Variants in PCBD2 observed in about 807,000 individuals in gnomAD.
The protein encoded by PCBD2 is pterin-4 alpha-carbinolamine dehydratase 2.
A neutral mutation model predicts 16.4 loss-of-function variants in PCBD2; 12 were observed. The ratio of observed to expected loss-of-function variants is 0.73; its 90% CI spans 0.47 to 1.19. The LOEUF is 1.19. PCBD2 is among the 50% of genes most tolerant of loss of function. The pLI, the probability that PCBD2 is intolerant of heterozygous loss-of-function variation, is 0.00. For missense variants in PCBD2, 138 were observed against 156.8 expected (o/e 0.88, Z 0.64); for synonymous variants, 58 against 61.8 (o/e 0.94, Z 0.29).
intron 2 of PCBD2, among the ~76,000 whole-genome samples, chr5:134,933,871 A>C (rs1424407427): frequency 6.6e-6 from 1 of 152,250 alleles, no homozygotes; most frequent in Non-Finnish European, 1.5e-5. Flanking sequence ...GTTACTTGAG[A>C]CAGCCAGAAG....
chr5:134,957,614 G>C (rs764230363), intron 2 of PCBD2, among the ~76,000 whole-genome samples: 29 of 152,006 alleles, frequency 1.9e-4, no homozygotes, highest in Non-Finnish European at 3.8e-4. Flanking sequence ...AGGAGGTTGA[G>C]GCTACAGTGA....
chr5:134,936,384 C>T (rs2149536442), intron 2 of PCBD2, among the ~76,000 whole-genome samples: 1 of 152,308 alleles, frequency 6.6e-6, no homozygotes, highest in Admixed American at 6.5e-5. Context: ...CCTTTCTGTC[C>T]TCCTCAGTCG....
chr5:134,950,033 T>C (rs779657811), intron 2 of PCBD2, among the ~76,000 whole-genome samples: 41 of 152,238 alleles, frequency 2.7e-4, no homozygotes, highest in Non-Finnish European at 4.6e-4. Context: ...TTTCAAGACG[T>C]GAAGAAATGC....
rs1323477258 is a variant in PCBD2 at position 134,960,654 on chromosome 5, T to C, written c.366T>C (p.Phe122=). The part of the protein sequence containing the change: ...LTKKDVKLAK[F]IEKAAASV ...AAAAAGATGTGAAGCTGGCCAAGTT[T>C]ATTGAAAAAGCAGCTGCTTCTGTGT... is the stretch of plus-strand genomic sequence containing the variant. Residue 122 remains phenylalanine, a synonymous_variant, in exon 4 of 4, where the codon TTT becomes TTC. Coordinates refer to ENST00000254908, the MANE Select transcript of PCBD2 (RefSeq NM_032151.5). The C allele has an allele frequency of 1.9e-6, 3 of 1,612,914 alleles. No individual in the cohort carries two copies. The highest frequency in any genetic ancestry group is 3.3e-5 in the Admixed American group (2 of 60,012).
At chr5:134,940,792 T>A (rs995516428) in intron 2 of PCBD2, among the ~76,000 whole-genome samples, 1 of 152,098 alleles carries the variant, frequency 6.6e-6, no homozygotes, top group African/African-American at 2.4e-5. Flanking sequence ...TTGAGTGTCA[T>A]GTCCACAGAC....
intron 2 of PCBD2, among the ~76,000 whole-genome samples, chr5:134,912,449 T>A (rs1750780826): frequency 6.6e-6 from 1 of 152,174 alleles, no homozygotes; most frequent in Non-Finnish European, 1.5e-5. Context: ...CACCGTGGGG[T>A]GAGCCCATAT....
chr5:134,906,579 C>A (rs1750693764), intron 1 of PCBD2, among the ~76,000 whole-genome samples: 1 of 152,108 alleles, frequency 6.6e-6, no homozygotes, highest in Non-Finnish European at 1.5e-5. Context: ...GTCACCTAGG[C>A]GTGTCTTCAG....
At chr5:134,947,775 G>A (rs894774445) in intron 2 of PCBD2, among the ~76,000 whole-genome samples, 1 of 147,930 alleles carries the variant, frequency 6.8e-6, no homozygotes, top group Admixed American at 6.8e-5. Context: ...CTATGAAGTC[G>A]TTTTTTTTTT....
At chr5:134,928,198 T>A (rs878936116) in intron 2 of PCBD2, 4 of 388,608 alleles carry the variant, frequency 1.0e-5, no homozygotes, top group Non-Finnish European at 1.8e-5. Flanking sequence ...TGAGAGTGGC[T>A]ATAATGAATA....
Position 134,927,088 on chromosome 5 carries a change from C to T in PCBD2, c.216+16622C>T, listed in dbSNP as rs4998960. 27 of 397,800 alleles carry T rather than the reference C, an allele frequency of 6.8e-5. 7 individuals are homozygous for T. Among genetic ancestry groups the T allele is most frequent in the Admixed American group, 1.3e-4 (3 of 22,588 alleles). 24.6% of individuals were successfully genotyped at this position (397,800 alleles called of 1,614,324 possible). A position where few individuals can be genotyped will look rare whatever the true frequency, so the allele number is the denominator to read the frequency against. On this transcript the variant is annotated intron_variant, in intron 2 of 3. Transcript: ENST00000254908. ...AATGAGGATGTAAGTCCGTGGGCGA[C>T]TATGAGAATGACTGCGCCGGTGAAG...
intron 1 of PCBD2, chr5:134,905,621 C>T (rs1750677483): frequency 5.6e-6 from 1 of 179,072 alleles, no homozygotes. Flanking sequence ...GCTCCCTGCT[C>T]GCGCTTCACT....
At chr5:134,952,998 C>T (rs748980312) in intron 2 of PCBD2, among the ~76,000 whole-genome samples, 3 of 151,586 alleles carry the variant, frequency 2.0e-5, no homozygotes, top group Non-Finnish European at 2.9e-5. Flanking sequence ...AATGTTTTGC[C>T]CTAAATTAGC....
intron 2 of PCBD2, among the ~76,000 whole-genome samples, chr5:134,916,544 C>T (rs182345368): frequency 8.5e-4 from 130 of 152,182 alleles, no homozygotes; most frequent in African/African-American, 3.0e-3. Context: ...TTTCAGTGAC[C>T]GTGGATGAAA....
intron 1 of PCBD2, among the ~76,000 whole-genome samples, chr5:134,907,736 C>T (rs1750714135): frequency 6.7e-6 from 1 of 149,932 alleles, no homozygotes; most frequent in Non-Finnish European, 1.5e-5. Context: ...GATTCTCCTT[C>T]CTCAGCCTCC....
chr5:134,934,803 G>A (rs184675795), intron 2 of PCBD2, among the ~76,000 whole-genome samples: 210 of 152,106 alleles, frequency 1.4e-3, no homozygotes, highest in African/African-American at 4.7e-3. Context: ...AGCCAGATGC[G>A]GCTCATATAT....
intron 2 of PCBD2, among the ~76,000 whole-genome samples, chr5:134,914,018 G>A (rs184513612): frequency 5.9e-5 from 9 of 152,244 alleles, no homozygotes; most frequent in Middle Eastern, 3.4e-3. Context: ...TCCAAATGGA[G>A]TTATTGGGTT....
chr5:134,950,819 T>A (rs969852485), intron 2 of PCBD2, among the ~76,000 whole-genome samples: 1 of 152,226 alleles, frequency 6.6e-6, no homozygotes, highest in South Asian at 2.1e-4. Context: ...TCAGCCATTA[T>A]ACGTTATTTG....
At chr5:134,938,992 A>T (rs1339806847) in intron 2 of PCBD2, among the ~76,000 whole-genome samples, 1 of 152,220 alleles carries the variant, frequency 6.6e-6, no homozygotes, top group Non-Finnish European at 1.5e-5. Flanking sequence ...TACTGGTTAT[A>T]TTAATATAGC....
At chr5:134,958,186 A>G (rs1240454843) in intron 2 of PCBD2, among the ~76,000 whole-genome samples, 1 of 152,232 alleles carries the variant, frequency 6.6e-6, no homozygotes, top group Non-Finnish European at 1.5e-5. Flanking sequence ...TTCTGGAACA[A>G]TAGAGACAGA....
Sources: gnomAD v4.1 joint callset for allele counts (sites outside exome capture counted in the v4.1 genomes callset) on GRCh38, gnomAD v4.1.1 for gene constraint, MANE v1.5 for transcripts, NCBI Gene and HGNC (gene_info 2026-07-23, HGNC 2026-07-21) for gene names.